Variants in HTT observed in about 807,000 individuals in gnomAD.
HTT encodes the protein huntington disease protein.
Under a neutral mutation model 362.3 loss-of-function variants are expected in HTT, and 104 were observed. The observed-to-expected ratio is 0.29, with a 90% CI of 0.24 to 0.34. The LOEUF is 0.34. Ranked by LOEUF, HTT falls within the 10% of genes least tolerant of loss-of-function variation. The pLI, the probability that HTT is intolerant of heterozygous loss-of-function variation, is 1.00. For missense variants in HTT, 3,301 were observed against 3,928.6 expected, an observed-to-expected ratio of 0.84 and a Z score of 4.27; for synonymous variants, 1,577 against 1,548.7, an observed-to-expected ratio of 1.02 and a Z score of -0.43.
At chr4:3,239,524 G>C (rs552007295) in intron 66 of HTT, among the ~76,000 whole-genome samples, 3 of 152,258 alleles carry the variant, frequency 2.0e-5, no homozygotes, top group Non-Finnish European at 4.4e-5. Context: ...GCCTGGCACG[G>C]CTCTGCCCTC....
At position 3,137,514 on chromosome 4, in the gene HTT, C is replaced by T. The variant is rs900980669; in HGVS notation, c.2798+1188C>T. 7.9e-5 allele frequency among the ~76,000 whole-genome samples: 12 copies of T among 152,214 alleles called. No individual in the cohort carries two copies. The East Asian group carries it at 1.4e-3, about 17-fold the overall frequency. ...AGGAGTTCGAGACCAGCCTGGCCAACATGGTGAAACCTTGTCTCTACTAAA... is the reference window on the plus strand; with the variant it reads ...AGGAGTTCGAGACCAGCCTGGCCAATATGGTGAAACCTTGTCTCTACTAAA... On this transcript the variant is annotated intron_variant, in intron 21 of 66. Coordinates refer to ENST00000355072, the MANE Select transcript of HTT (RefSeq NM_001388492.1).
intron 8 of HTT, among the ~76,000 whole-genome samples, chr4:3,117,249 C>T (rs147176717): frequency 5.8e-4 from 88 of 152,120 alleles, no homozygotes; most frequent in Middle Eastern, 6.8e-3. Flanking sequence ...ATTTCCTTCA[C>T]AAAAAACACT....
At chr4:3,175,373 A>G (rs568869868) in intron 33 of HTT, among the ~76,000 whole-genome samples, 1 of 152,316 alleles carries the variant, frequency 6.6e-6, no homozygotes, top group Admixed American at 6.5e-5. Context: ...TGTCCCATCC[A>G]CTTGCCTCCC....
At chr4:3,184,458 T>G (rs1718667295) in intron 37 of HTT, among the ~76,000 whole-genome samples, 1 of 150,206 alleles carries the variant, frequency 6.7e-6, no homozygotes, top group African/African-American at 2.5e-5. Context: ...GAGGGGGAGG[T>G]GAGGGCAGAG....
chr4:3,189,996 A>G (rs563119248), intron 40 of HTT, among the ~76,000 whole-genome samples: 16 of 152,270 alleles, frequency 1.1e-4, no homozygotes, highest in Non-Finnish European at 1.5e-4. Flanking sequence ...AGCCTCGGCT[A>G]TAGAGTAAGA....
At chr4:3,095,214 C>G (rs995410282) in intron 2 of HTT, among the ~76,000 whole-genome samples, 11 of 152,258 alleles carry the variant, frequency 7.2e-5, no homozygotes, top group Non-Finnish European at 1.5e-4. Context: ...GAGATCACGC[C>G]ACTGCACTCC....
intron 38 of HTT, among the ~76,000 whole-genome samples, chr4:3,187,211 A>G (rs1292735092): frequency 2.0e-5 from 3 of 151,368 alleles, no homozygotes; most frequent in Admixed American, 2.0e-4. Flanking sequence ...GCTGGAGTAC[A>G]GTGGCGCTAC....
rs971175227 is a variant in HTT, at chr4:3,216,961, C to T, written c.7055-804C>T. On this transcript the variant is annotated intron_variant, in intron 51 of 66. Transcript: ENST00000355072. ...AATGGCGTGAACCCGGGAGGCGGAG[C>T]TTGCAGTGAGCCGAGATCCCGCCAC... 2.7e-5 allele frequency among the ~76,000 whole-genome samples: 4 copies of T among 150,274 alleles called. No individual in the cohort carries two copies. The South Asian group carries it at 6.4e-4, about 24-fold the overall frequency.
At chr4:3,221,219 AG>A (rs1720656630) in intron 53 of HTT, among the ~76,000 whole-genome samples, 1 of 152,166 alleles carries the variant, frequency 6.6e-6, no homozygotes, top group Non-Finnish European at 1.5e-5. Context: ...AGGTTGTGGC[AG>A]GAGACACCTT....
intron 42 of HTT, among the ~76,000 whole-genome samples, chr4:3,204,990 AT>A (rs1389907340): frequency 2.0e-5 from 3 of 152,062 alleles, no homozygotes; most frequent in Non-Finnish European, 1.5e-5. Flanking sequence ...CTCTAAAATA[AT>A]TTTTTTAAGT....
intron 34 of HTT, among the ~76,000 whole-genome samples, chr4:3,177,885 T>A (rs879167341): frequency 7.2e-5 from 11 of 152,332 alleles, no homozygotes; most frequent in African/African-American, 2.6e-4. Flanking sequence ...TTAGGAAAAT[T>A]TAGTGCAGAA....
chr4:3,087,487 C>T (rs1048374503), intron 2 of HTT, among the ~76,000 whole-genome samples: 1 of 152,188 alleles, frequency 6.6e-6, no homozygotes, highest in Non-Finnish European at 1.5e-5. Context: ...GATCGTGGGG[C>T]ATTGACTGTA....
At chr4:3,099,615 T>C (rs551371831) in intron 3 of HTT, among the ~76,000 whole-genome samples, 65 of 76,450 alleles carry the variant, frequency 8.5e-4, no homozygotes, top group Non-Finnish European at 1.3e-3. Context: ...CTCTGTTGTA[T>C]GGTTTGGAGG....
chr4:3,205,264 A>G (rs1719802667), intron 42 of HTT, among the ~76,000 whole-genome samples: 2 of 152,156 alleles, frequency 1.3e-5, no homozygotes, highest in Non-Finnish European at 2.9e-5. Context: ...TATTAAAAAT[A>G]TTTAAAACAT....
intron 40 of HTT, among the ~76,000 whole-genome samples, chr4:3,190,038 C>T (rs930435235): frequency 7.9e-5 from 12 of 151,568 alleles, no homozygotes; most frequent in African/African-American, 2.7e-4. Flanking sequence ...CAAAACAAGA[C>T]AAGAGCCAAA....
intron 29 of HTT, among the ~76,000 whole-genome samples, chr4:3,171,788 C>G (rs1284428399): frequency 1.3e-5 from 2 of 152,184 alleles, no homozygotes; most frequent in African/African-American, 4.8e-5. Context: ...CTTCTTGATT[C>G]TTGAAAAGGA....
chr4:3,178,406 T>C lies in HTT; in HGVS notation c.4572T>C (p.Cys1524=), dbSNP rs773155101. 6.2e-6 allele frequency: 10 copies of C among 1,614,002 alleles called. No homozygotes were observed. Among genetic ancestry groups the C allele is most frequent in the Non-Finnish European group, 8.5e-6 (10 of 1,179,870 alleles). ...IIGIPKIIQL[C]DGIMASGRKA... ...GAATTCCTAAAATCATTCAGCTCTG[T>C]GATGGCATCATGGCCAGTGGAAGGA... Residue 1524 remains cysteine (C), a synonymous_variant, in exon 35 of 67, where the codon TGT becomes TGC. Transcript: ENST00000355072.
chr4:3,218,080 G>A lies in HTT; in HGVS notation c.7242+128G>A. On this transcript the variant is annotated intron_variant, in intron 52 of 66. Transcript: ENST00000355072. This position sits in a 1 kb window ranked among gnomAD's most constrained non-coding sequence, Gnocchi z 4.4. ...AGAGGCTGCCTGCTGTGGTTCTGGT[G>A]CCCACTGTGGTTCTGGTGCCAGGCT... 1.3e-6 allele frequency: 1 copy of A among 765,942 alleles called. No homozygotes were observed. The highest frequency in any genetic ancestry group is 2.0e-6 in the Non-Finnish European group (1 of 493,896). 47.4% of individuals were successfully genotyped at this position (765,942 alleles called of 1,614,324 possible).
chr4:3,162,607 G>C (rs1399968811), intron 29 of HTT, among the ~76,000 whole-genome samples: 1 of 152,182 alleles, frequency 6.6e-6, no homozygotes, highest in Non-Finnish European at 1.5e-5. Flanking sequence ...TCCTTGAGCA[G>C]TGGTTTGTAG....
Sources: gnomAD v4.1 joint callset for allele counts (sites outside exome capture counted in the v4.1 genomes callset) on GRCh38, gnomAD v4.1.1 for gene constraint, Gnocchi (gnomAD v3.1) non-coding constraint, MANE v1.5 for transcripts, NCBI Gene and HGNC (gene_info 2026-07-23, HGNC 2026-07-21) for gene names.